SEZ6: variants seen among roughly 807,000 people sequenced by gnomAD.
SEZ6 encodes seizure related 6 homolog.
A neutral mutation model predicts 101.0 loss-of-function variants in SEZ6; 53 were observed. That is an observed-to-expected ratio of 0.52 (90% confidence interval 0.42 to 0.66). The LOEUF (loss-of-function observed/expected upper bound fraction) is 0.66, where lower values mean the gene tolerates loss of function less well. Among genes scored for constraint, SEZ6 ranks in the 30% least tolerant of loss-of-function variants. The pLI is 0.00. For missense variants in SEZ6, 1,102 were observed against 1,289.4 expected, an observed-to-expected ratio of 0.85 and a Z score of 2.23; for synonymous variants, 488 against 512.2, an observed-to-expected ratio of 0.95 and a Z score of 0.64.
intron 1 of SEZ6, among the ~76,000 whole-genome samples, chr17:28,997,177 C>A (rs2041554468): frequency 6.6e-6 from 1 of 151,984 alleles, no homozygotes; most frequent in Admixed American, 6.6e-5. Context: ...GGGAAGGGGG[C>A]CAAGGGGATC....
Position 29,002,769 on chromosome 17 carries a change from G to C in SEZ6, c.55+3046C>G, listed in dbSNP as rs1006590588. Among the ~76,000 whole-genome samples the C allele has an allele frequency of 1.1e-4, 16 of 152,184 alleles. 1 individual carries two copies. The highest frequency in any genetic ancestry group is 3.6e-4 in the African/African-American group (15 of 41,432). ...CTGTTAGAATCCAGCACCTACCAAG[G>C]AGTCTGCAGGAAGCAGCAATTACCA... On this transcript the variant is annotated intron_variant, in intron 1 of 16. Coordinates refer to ENST00000317338, the MANE Select transcript of SEZ6 (RefSeq NM_178860.5).
At chr17:28,999,486 A>T (rs2041586282) in intron 1 of SEZ6, among the ~76,000 whole-genome samples, 1 of 151,942 alleles carries the variant, frequency 6.6e-6, no homozygotes, top group South Asian at 2.1e-4. Flanking sequence ...AGACCTGGAG[A>T]CCCGGATTGT....
chr17:28,969,842 G>A lies in SEZ6; in HGVS notation c.969C>T (p.Ile323=). 1 of 1,532,544 alleles carries A rather than the reference G, an allele frequency of 6.5e-7. No individual in the cohort carries two copies. The highest frequency in any genetic ancestry group is 8.7e-7 in the Non-Finnish European group (1 of 1,150,190). 94.9% of individuals were successfully genotyped at this position (1,532,544 alleles called of 1,614,324 possible). A position where few individuals can be genotyped will look rare whatever the true frequency, so the allele number is the denominator to read the frequency against. ...GGGCCGCTTGGTGGGTGGGGCTGCG[G>A]ATGACTTGGCCCCGCAGCAGGAAAG... ...NQSFLLRGQV[I]RSPTHQAALR... Residue 323 remains isoleucine (I), a synonymous_variant, in exon 4 of 17, where the codon ATC becomes ATT. Coordinates refer to ENST00000317338, the MANE Select transcript of SEZ6 (RefSeq NM_178860.5).
In SEZ6 at chr17:28,960,988, A is replaced by G. The variant is rs1329792811; in HGVS notation, c.1241-15T>C. On this transcript the variant is annotated splice_polypyrimidine_tract_variant and intron_variant, in intron 5 of 16. Coordinates refer to ENST00000317338, the MANE Select transcript of SEZ6 (RefSeq NM_178860.5). ...GCCGCAAGCAGCTGTTAAGACCAGGACAGGACGTAGGCTAGGCCCCTGCCT... is the reference window on the plus strand; with the variant it reads ...GCCGCAAGCAGCTGTTAAGACCAGGGCAGGACGTAGGCTAGGCCCCTGCCT... 14 of 1,608,766 alleles carry G rather than the reference A, an allele frequency of 8.7e-6. No individual in the cohort carries two copies. The African/African-American group carries it at 1.1e-4, about 12-fold the overall frequency.
In SEZ6 at chr17:28,981,957, G is replaced by A. The variant is rs771836493; in HGVS notation, c.138C>T (p.Pro46=). Residue 46 remains proline (P), a synonymous_variant, in exon 2 of 17, where the codon CCC becomes CCT. Transcript: ENST00000317338. ...CGCCTCGTTCTGGCTGCTCAGGTGTGGGGGCTGCTGTCAGCTCGCCATCTG... is the reference window on the plus strand; with the variant it reads ...CGCCTCGTTCTGGCTGCTCAGGTGTAGGGGCTGCTGTCAGCTCGCCATCTG... The part of the protein sequence containing the change: ...EETDGELTAA[P]TPEQPERGVH... 1 of 1,613,588 alleles carries A rather than the reference G, an allele frequency of 6.2e-7. No homozygotes were observed. The highest frequency in any genetic ancestry group is 1.7e-5 in the Admixed American group (1 of 60,018).
At chr17:28,974,372 C>T (rs1252907155) in intron 3 of SEZ6, among the ~76,000 whole-genome samples, 1 of 152,158 alleles carries the variant, frequency 6.6e-6, no homozygotes, top group Non-Finnish European at 1.5e-5. Context: ...CAGAAAATAA[C>T]CCACCAATCC....
rs749588529 is a variant in SEZ6 at position 28,979,752 on chromosome 17, G to A, written c.786C>T (p.Ser262=). The A allele has an allele frequency of 1.6e-4, 262 of 1,613,682 alleles. No individual in the cohort carries two copies. Among genetic ancestry groups the A allele is most frequent in the Non-Finnish European group, 2.1e-4 (252 of 1,179,820 alleles). The part of the protein sequence containing the change: ...EGSLDSPTDL[S]SPTDVGLDCF... ...AGTCCAGGCCAACATCAGTGGGGGA[G>A]CTGAGGTCTGTAGGGGAGTCCAGAG... Residue 262 remains serine, a synonymous_variant, in exon 3 of 17, where the codon AGC becomes AGT. Coordinates refer to ENST00000317338, the MANE Select transcript of SEZ6 (RefSeq NM_178860.5).
intron 3 of SEZ6, among the ~76,000 whole-genome samples, chr17:28,974,285 T>G (rs2041191662): frequency 6.6e-6 from 1 of 152,138 alleles, no homozygotes. Context: ...ATCACCTGTG[T>G]GTACTCGGAC....
intron 1 of SEZ6, among the ~76,000 whole-genome samples, chr17:28,984,134 C>T (rs2041346306): frequency 1.3e-5 from 2 of 152,216 alleles, no homozygotes; most frequent in Admixed American, 1.3e-4. Context: ...CAACACCATC[C>T]AATCTAGATG....
chr17:28,988,295 C>T (rs1388095968), intron 1 of SEZ6, among the ~76,000 whole-genome samples: 1 of 152,184 alleles, frequency 6.6e-6, no homozygotes, highest in Non-Finnish European at 1.5e-5. Context: ...TAGTGGGCTC[C>T]TAACACATGA....
intron 1 of SEZ6, among the ~76,000 whole-genome samples, chr17:28,996,673 T>A (rs1433249759): frequency 6.6e-6 from 1 of 151,896 alleles, no homozygotes; most frequent in Non-Finnish European, 1.5e-5. Context: ...TGCAGGGACA[T>A]GTGAACACAG....
rs566640600 is a variant in SEZ6, at chr17:28,957,142, C to A, written c.2595G>T (p.Ser865=). 4 of 1,613,970 alleles carry A rather than the reference C, an allele frequency of 2.5e-6. No homozygotes were observed. In the East Asian group the frequency reaches 6.7e-5, roughly 27 times the overall value. ...LHPAGATIHF[S]CAPGYVLKGQ... is the part of the protein sequence containing the mutation. ...CCTTCAGCACATAGCCAGGGGCACACGAGAAGTGGATGGTGGCCCCTGCTG... is the reference window on the plus strand; with the variant it reads ...CCTTCAGCACATAGCCAGGGGCACAAGAGAAGTGGATGGTGGCCCCTGCTG... Residue 865 remains serine, a synonymous_variant, in exon 13 of 17, where the codon TCG becomes TCT. Transcript: ENST00000317338.
intron 4 of SEZ6, among the ~76,000 whole-genome samples, chr17:28,965,487 T>A (rs922356493): frequency 1.5e-4 from 23 of 151,718 alleles, no homozygotes; most frequent in African/African-American, 2.2e-4. Flanking sequence ...AAAAAATTTT[T>A]AAAAAATACC....
At chr17:29,004,847 C>T (rs1471781660) in intron 1 of SEZ6, among the ~76,000 whole-genome samples, 2 of 152,144 alleles carry the variant, frequency 1.3e-5, no homozygotes, top group African/African-American at 2.4e-5. Flanking sequence ...GACTCTTCCC[C>T]GAGGCACGGA....
chr17:28,993,795 C>T (rs1213750080), intron 1 of SEZ6, among the ~76,000 whole-genome samples: 1 of 152,248 alleles, frequency 6.6e-6, no homozygotes, highest in Admixed American at 6.5e-5. Flanking sequence ...CCCCTCCCAG[C>T]CTCTACCCTG....
chr17:28,967,655 T>TCAGGCC (rs916118358), intron 4 of SEZ6, among the ~76,000 whole-genome samples: 9 of 152,152 alleles, frequency 5.9e-5, no homozygotes, highest in African/African-American at 2.2e-4. Context: ...TGAGCCAGGC[T>TCAGGCC]CAGGCCCAGC....
intron 1 of SEZ6, among the ~76,000 whole-genome samples, chr17:28,991,828 A>T (rs549293074): frequency 1.2e-4 from 18 of 152,246 alleles, no homozygotes; most frequent in African/African-American, 4.1e-4. Context: ...TTGCTTCCCA[A>T]ACTTGGCCGC....
intron 1 of SEZ6, among the ~76,000 whole-genome samples, chr17:28,989,275 G>T (rs1352744322): frequency 6.6e-6 from 1 of 152,128 alleles, no homozygotes; most frequent in Non-Finnish European, 1.5e-5. Context: ...ATTGAATGCT[G>T]CTGTTTACTG....
At chr17:28,972,072 GA>G (rs897296731) in intron 3 of SEZ6, among the ~76,000 whole-genome samples, 47 of 152,362 alleles carry the variant, frequency 3.1e-4, no homozygotes, top group African/African-American at 1.1e-3. Context: ...CCACATATGG[GA>G]CTCTGCGGGG....
Sources: gnomAD v4.1 joint callset for allele counts (sites outside exome capture counted in the v4.1 genomes callset) on GRCh38, gnomAD v4.1.1 for gene constraint, MANE v1.5 for transcripts, NCBI Gene and HGNC (gene_info 2026-07-23, HGNC 2026-07-21) for gene names.